Variants in DNAH1 observed in about 807,000 individuals in gnomAD.
The protein encoded by DNAH1 is axonemal beta dynein heavy chain 1.
In DNAH1, 327 loss-of-function variants were observed where a neutral mutation model predicts 484.3. The observed-to-expected ratio is 0.68, with a 90% CI of 0.62 to 0.74. The LOEUF is 0.74. Ranked by LOEUF, DNAH1 falls within the 30% of genes least tolerant of loss-of-function variation. The probability of loss-of-function intolerance (pLI) is 0.00; values close to 1 mark genes in which losing one functional copy is unlikely to be tolerated. For synonymous variants in DNAH1, 2,192 were observed against 2,191.9 expected, an observed-to-expected ratio of 1.00 and a Z score of 0.00; for missense variants, 5,052 against 5,546.8, an observed-to-expected ratio of 0.91 and a Z score of 2.83.
At chr3:52,384,228 G>A (rs1445341016) in intron 52 of DNAH1, among the ~76,000 whole-genome samples, 197 bp downstream of exon 52, 1 of 152,212 alleles carries the variant, frequency 6.6e-6, no homozygotes, top group African/African-American at 2.4e-5. Flanking sequence ...AGTGACTAGG[G>A]TGCTGCGCAC....
intron 1 of DNAH1, 35 bp from the exon 2 acceptor site, chr3:52,322,374 G>T: frequency 6.8e-7 from 1 of 1,468,092 alleles, no homozygotes; most frequent in South Asian, 1.3e-5. Context: ...GACAGAGGCT[G>T]GCAAGGGCTG....
chr3:52,327,216 G>T lies in DNAH1; in HGVS notation c.738+325G>T, dbSNP rs540052542. Among the ~76,000 whole-genome samples the T allele has an allele frequency of 1.9e-4, 29 of 152,256 alleles. 1 individual carries two copies. The South Asian group carries it at 6.0e-3, about 32-fold the overall frequency. ...GGAGTATCCTCCCTGACCAGTGCCCGCCTCAGGGTAGGCAGCTGCTTCTGG... is the reference window on the plus strand; with the variant it reads ...GGAGTATCCTCCCTGACCAGTGCCCTCCTCAGGGTAGGCAGCTGCTTCTGG... On this transcript the variant is annotated intron_variant, in intron 5 of 77. Transcript: ENST00000420323.
intron 62 of DNAH1, 23 bp from the exon 63 acceptor site, chr3:52,391,419 AC>A (rs1335919146): frequency 6.2e-7 from 1 of 1,600,490 alleles, no homozygotes; most frequent in Admixed American, 1.7e-5. Flanking sequence ...AGGCCACAGT[AC>A]CCACCGGTCC....
At position 52,372,370 on chromosome 3, in the gene DNAH1, C is replaced by T. The variant is rs1415785931; in HGVS notation, c.6810C>T (p.Asp2270=). The T allele has an allele frequency of 1.2e-6, 2 of 1,613,816 alleles. No individual in the cohort carries two copies. Among genetic ancestry groups the T allele is most frequent in the Non-Finnish European group, 1.7e-6 (2 of 1,179,898 alleles). ...CCAACCAGACCCAGGACTTCATTGA[C>T]AGCAAGCTGGACAAGAGGCAGGGCA... ...TSANQTQDFI[D]SKLDKRRKGV... The change falls in exon 43 of 78, where the codon GAC becomes GAT. Residue 2270 remains aspartate, a synonymous_variant. Transcript: ENST00000420323.
chr3:52,394,520 C>A lies in DNAH1; in HGVS notation c.10682C>A (p.Pro3561Gln). ...GGSISIMTEN[P>Q]APDWLSDRAW... ...TCCATCTCGATCATGACTGAGAATC[C>A]GGCACCGGACTGGCTGTCAGACCGG... is the stretch of plus-strand genomic sequence containing the variant. Residue 3561 changes from proline (P) to glutamine (Q), a missense_variant, in exon 67 of 78, where the codon CCG becomes CAG. By Grantham distance (76) the Pro-to-Gln change is moderately conservative (BLOSUM62 -1). Transcript: ENST00000420323. The A allele has an allele frequency of 6.2e-7, 1 of 1,614,036 alleles. No individual in the cohort carries two copies. The highest frequency in any genetic ancestry group is 8.5e-7 in the Non-Finnish European group (1 of 1,179,884).
chr3:52,356,644 C>G lies in DNAH1; in HGVS notation c.3724C>G (p.Arg1242Gly). ...TCTGGAGGAGTGGCTGAACTGTCAGCGGTCCTGGCTCTACCTGGAGCCCAT... is the reference window on the plus strand; with the variant it reads ...TCTGGAGGAGTGGCTGAACTGTCAGGGGTCCTGGCTCTACCTGGAGCCCAT... ...EVLEEWLNCQ[R>G]SWLYLEPIFS... Residue 1242 changes from arginine (R) to glycine (G), a missense_variant, in exon 22 of 78, where the codon CGG becomes GGG. This residue lies in a region of DNAH1 where 2,929 missense variants were observed against 3,409.4 expected (regional missense o/e 0.86). Coordinates refer to ENST00000420323, the MANE Select transcript of DNAH1 (RefSeq NM_015512.5). 1 of 1,613,684 alleles carries G rather than the reference C, an allele frequency of 6.2e-7. No homozygotes were observed.
In DNAH1 at chr3:52,366,784, A is replaced by T. The variant is rs1703094172; in HGVS notation, c.5662A>T (p.Ile1888Phe). Reference sequence around the variant, plus strand: ...GACGTCACTGAAAGGGCAGCCATCCATCAGTGGTGGCATGTACGAGGCTGT... The same window carrying T: ...GACGTCACTGAAAGGGCAGCCATCCTTCAGTGGTGGCATGTACGAGGCTGT... Reference protein sequence around the residue: ...AMTSLKGQPSISGGMYEAVNY... With the variant: ...AMTSLKGQPSFSGGMYEAVNY... Residue 1888 changes from isoleucine to phenylalanine, a missense_variant, in exon 36 of 78, where the codon ATC becomes TTC. Physicochemically the swap from Ile to Phe is conservative, Grantham distance 21 (BLOSUM62 0). This residue lies in a region of DNAH1 where 2,929 missense variants were observed against 3,409.4 expected (regional missense o/e 0.86). Coordinates refer to ENST00000420323, the MANE Select transcript of DNAH1 (RefSeq NM_015512.5). 1 of 1,613,766 alleles carries T rather than the reference A, an allele frequency of 6.2e-7. No homozygotes were observed. The highest frequency in any genetic ancestry group is 1.3e-5 in the African/African-American group (1 of 74,996).
intron 27 of DNAH1, 34 bp downstream of exon 27, chr3:52,360,113 C>A: frequency 6.2e-7 from 1 of 1,612,806 alleles, no homozygotes; most frequent in Non-Finnish European, 8.5e-7. Context: ...AGGGCCAGAG[C>A]AGCTGCCAGG....
Position 52,372,385 on chromosome 3 carries a change from G to A in DNAH1, c.6825G>A (p.Lys2275=). The A allele has an allele frequency of 6.2e-7, 1 of 1,613,514 alleles. No individual in the cohort carries two copies. The highest frequency in any genetic ancestry group is 8.5e-7 in the Non-Finnish European group (1 of 1,179,874). ...TQDFIDSKLD[K]RRKGVFGPPL... is the part of the protein sequence containing the mutation. ...ACTTCATTGACAGCAAGCTGGACAA[G>A]AGGCAGGGCACCCCTCCCTCCTTCC... The change falls in exon 43 of 78, where the codon AAG becomes AAA. Residue 2275 remains lysine (K), a splice_region_variant and synonymous_variant. Coordinates refer to ENST00000420323, the MANE Select transcript of DNAH1 (RefSeq NM_015512.5).
At chr3:52,399,904 C>A in intron 77 of DNAH1, 125 bp downstream of exon 77, 1 of 995,842 alleles carries the variant, frequency 1.0e-6, no homozygotes, top group Non-Finnish European at 1.5e-6. Context: ...TGGGCCAGGC[C>A]AGCAAGCAGC....
In DNAH1 at chr3:52,346,783, G is replaced by T; in HGVS notation, c.1955+13G>T. Reference sequence around the variant, plus strand: ...ACAGCCCCTACAGGTGGGGCCCGGCGGGGCGGAGGCACCTGTTGACACCAG... The same window carrying T: ...ACAGCCCCTACAGGTGGGGCCCGGCTGGGCGGAGGCACCTGTTGACACCAG... On this transcript the variant is annotated intron_variant, in intron 11 of 77. Transcript: ENST00000420323. 1 of 1,596,798 alleles carries T rather than the reference G, an allele frequency of 6.3e-7. No individual in the cohort carries two copies. Among genetic ancestry groups the T allele is most frequent in the Non-Finnish European group, 8.6e-7 (1 of 1,167,488 alleles).
chr3:52,352,513 G>A, intron 17 of DNAH1, 39 bp from the exon 18 acceptor site: 4 of 1,589,780 alleles, frequency 2.5e-6, no homozygotes, highest in East Asian at 2.3e-5. Context: ...CACAAGTGGG[G>A]CTGCAGGGGC....
intron 8 of DNAH1, 147 bp from the exon 9 acceptor site, chr3:52,344,343 A>AG: frequency 1.1e-6 from 1 of 947,540 alleles, no homozygotes. Flanking sequence ...TTAGTGGCTC[A>AG]GGGCCGGGTG....
At chr3:52,323,355 G>T (rs1701220552) in intron 2 of DNAH1, among the ~76,000 whole-genome samples, 1 of 152,194 alleles carries the variant, frequency 6.6e-6, no homozygotes, top group South Asian at 2.1e-4. Context: ...ATGACGAGGA[G>T]AGAATTCAGA....
In DNAH1 at chr3:52,327,939, T is replaced by C; in HGVS notation, c.796T>C (p.Leu266=). 1 of 1,613,984 alleles carries C rather than the reference T, an allele frequency of 6.2e-7. No individual in the cohort carries two copies. Among genetic ancestry groups the C allele is most frequent in the South Asian group, 1.1e-5 (1 of 91,078 alleles). Residue 266 remains leucine (L), a synonymous_variant, in exon 6 of 78, where the codon TTG becomes CTG. Transcript: ENST00000420323. ...TCCCAGAGAGTGGATCAACATGGGC[T>C]TGGAGCCAGGGTCTCTGGACAGGAA... ...RTPREWINMG[L]EPGSLDRKPV...
chr3:52,395,132 A>T lies in DNAH1; in HGVS notation c.10968+73A>T. On this transcript the variant is annotated intron_variant, in intron 68 of 77. Coordinates refer to ENST00000420323, the MANE Select transcript of DNAH1 (RefSeq NM_015512.5). The surrounding 1 kb of genome is among the most constrained non-coding windows in gnomAD (Gnocchi z 4.4). The stretch of plus-strand genomic sequence containing the variant: ...CCCTGGGTCCCAGGGCCCTGGCTGC[A>T]TCTGGATAGACTACTTGGCCAGGCC... 6.5e-7 allele frequency: 1 copy of T among 1,540,898 alleles called. No homozygotes were observed. Among genetic ancestry groups the T allele is most frequent in the African/African-American group, 1.4e-5 (1 of 73,220 alleles).
intron 8 of DNAH1, among the ~76,000 whole-genome samples, chr3:52,343,963 G>A (rs558898169): frequency 7.2e-5 from 11 of 152,282 alleles, no homozygotes; most frequent in Admixed American, 6.5e-4. Context: ...GCTGATTTCC[G>A]ATCTCGGAGC....
chr3:52,334,299 A>G (rs901443854), intron 8 of DNAH1, among the ~76,000 whole-genome samples: 14 of 152,234 alleles, frequency 9.2e-5, no homozygotes, highest in African/African-American at 3.4e-4. Flanking sequence ...AACATGGTAC[A>G]TCTATGTAAG....
rs367913918 is a variant in DNAH1 at position 52,373,066 on chromosome 3, G to A, written c.6985+13G>A. The A allele has an allele frequency of 4.4e-5, 71 of 1,602,826 alleles. No homozygotes were observed. Among genetic ancestry groups the A allele is most frequent in the South Asian group, 1.3e-4 (12 of 90,022 alleles). On this transcript the variant is annotated intron_variant, in intron 44 of 77. Coordinates refer to ENST00000420323, the MANE Select transcript of DNAH1 (RefSeq NM_015512.5). ...CGCAAGATCATTGGTGAGTGTGGCC[G>A]GCCTGGCTCACAGGGCAAGGGCTAC...
Sources: allele counts gnomAD v4.1 joint callset (sites outside exome capture counted in the v4.1 genomes callset), GRCh38; gene constraint gnomAD v4.1.1; regional missense constraint gnomAD v4.1.1; non-coding constraint Gnocchi (gnomAD v3.1); transcripts MANE v1.5; gene names NCBI Gene and HGNC (gene_info 2026-07-23, HGNC 2026-07-21).